The following ILRUN variants were observed in gnomAD, a reference collection of about 807,000 sequenced individuals.
ILRUN encodes the protein inflammation and lipid regulator with UBA-like and NBR1-like domains.
In ILRUN, 3 loss-of-function variants were observed where a neutral mutation model predicts 33.8. The observed-to-expected ratio is 0.09, with a 90% CI of 0.04 to 0.23. The LOEUF (loss-of-function observed/expected upper bound fraction) is 0.23, where lower values mean the gene tolerates loss of function less well. Among genes scored for constraint, ILRUN ranks in the 10% least tolerant of loss-of-function variants. The pLI is 1.00. For synonymous variants in ILRUN, 124 were observed against 138.9 expected (o/e 0.89, Z 0.75); for missense variants, 210 against 375.1 (o/e 0.56, Z 3.64).
intron 1 of ILRUN, 61 bp downstream of exon 1, chr6:34,696,385 T>C (rs1300815660): frequency 6.7e-7 from 1 of 1,494,710 alleles, no homozygotes; most frequent in Admixed American, 2.1e-5. Context: ...CAAGTGTCCC[T>C]TCCCTTCCCC....
In ILRUN at chr6:34,642,825, C is replaced by CAAAAA. The variant is rs57866309; in HGVS notation, c.511+3771_511+3775dup. 3.4e-3 allele frequency among the ~76,000 whole-genome samples: 146 copies of CAAAAA among 42,988 alleles called. 4 individuals carry two copies. The highest frequency in any genetic ancestry group is 5.4e-3 in the African/African-American group (58 of 10,658). 28.2% of individuals were successfully genotyped at this position (42,988 alleles called of 152,430 possible). On this transcript the variant is annotated intron_variant, in intron 3 of 4. Coordinates refer to ENST00000374023, the MANE Select transcript of ILRUN (RefSeq NM_024294.4). Reference sequence around the variant, plus strand: ...CAACATAGGGAGGTCCCGTCTCTACCAAAAAAAAAAAAAAAAAAAAAAAAA... The same window carrying CAAAAA: ...CAACATAGGGAGGTCCCGTCTCTACCAAAAAAAAAAAAAAAAAAAAAAAAAAAAAA...
intron 4 of ILRUN, 24 bp from the exon 5 acceptor site, chr6:34,590,624 G>GTGA (rs1761276351): frequency 6.5e-7 from 1 of 1,529,088 alleles, no homozygotes; most frequent in Non-Finnish European, 9.1e-7. Flanking sequence ...AAGATAGTCA[G>GTGA]TGATGGTACA....
At chr6:34,595,332 CTG>C (rs1415392956) in intron 4 of ILRUN, among the ~76,000 whole-genome samples, 12 of 152,322 alleles carry the variant, frequency 7.9e-5, no homozygotes, top group African/African-American at 2.9e-4. Context: ...TACTAAAAAA[CTG>C]TCACTGATAG....
At position 34,587,328 on chromosome 6, in the gene ILRUN, AT is replaced by A. The variant is rs1761212770; in HGVS notation, c.*3236del. ...TGTTAATTTAATCATACAAATATTC[AT>A]TTATACAATAAGGAAAAACCTCCTC... is the stretch of plus-strand genomic sequence containing the variant. On this transcript the variant is annotated 3_prime_UTR_variant, in exon 5 of 5. Transcript: ENST00000374023. 1 of 152,602 alleles carries A rather than the reference AT, an allele frequency of 6.6e-6. No homozygotes were observed. The highest frequency in any genetic ancestry group is 2.4e-5 in the African/African-American group (1 of 41,416). 9.5% of individuals were successfully genotyped at this position (152,602 alleles called of 1,614,324 possible). A position where few individuals can be genotyped will look rare whatever the true frequency, so the allele number is the denominator to read the frequency against.
chr6:34,695,241 A>C (rs1763738130), intron 1 of ILRUN, among the ~76,000 whole-genome samples: 1 of 152,166 alleles, frequency 6.6e-6, no homozygotes, highest in Non-Finnish European at 1.5e-5. Flanking sequence ...TTGGTTGTGC[A>C]AGTGATGCCA....
chr6:34,628,640 T>C (rs1762187621), intron 3 of ILRUN, among the ~76,000 whole-genome samples: 1 of 152,104 alleles, frequency 6.6e-6, no homozygotes, highest in African/African-American at 2.4e-5. Context: ...CCCACCTTTT[T>C]ACACATTTTT....
rs1554189798 is a variant in ILRUN at position 34,683,399 on chromosome 6, C to CATACATACATAT, written c.158+13046_158+13047insATATGTATGTAT. 6.2e-4 allele frequency among the ~76,000 whole-genome samples: 69 copies of CATACATACATAT among 111,148 alleles called. 3 individuals are homozygous for CATACATACATAT. The highest frequency in any genetic ancestry group is 1.4e-3 in the Admixed American group (14 of 9,824). 72.9% of individuals were successfully genotyped at this position (111,148 alleles called of 152,430 possible). The stretch of plus-strand genomic sequence containing the variant: ...TAGAAAATTCTGTTATATATATGCA[C>CATACATACATAT]ATATATACATATATATATACATATA... On this transcript the variant is annotated intron_variant, in intron 1 of 4. Transcript: ENST00000374023.
chr6:34,633,186 A>G (rs905951822), intron 3 of ILRUN, among the ~76,000 whole-genome samples: 2 of 152,242 alleles, frequency 1.3e-5, no homozygotes, highest in African/African-American at 2.4e-5. Flanking sequence ...AGGGAAGAAA[A>G]GGGATATTAC....
chr6:34,620,674 T>A (rs1211439227), intron 3 of ILRUN, among the ~76,000 whole-genome samples: 4 of 151,972 alleles, frequency 2.6e-5, no homozygotes, highest in African/African-American at 7.3e-5. Flanking sequence ...AAAAAAAATT[T>A]AAAAATTAGC....
chr6:34,677,679 C>T (rs553151469), intron 1 of ILRUN, among the ~76,000 whole-genome samples: 63 of 152,186 alleles, frequency 4.1e-4, no homozygotes, highest in African/African-American at 1.3e-3. Context: ...CCGGTCACCA[C>T]GGCTCATGCC....
chr6:34,654,871 T>C (rs1027306729), intron 1 of ILRUN, 92 bp from the exon 2 acceptor site: 5 of 1,285,270 alleles, frequency 3.9e-6, no homozygotes, highest in Non-Finnish European at 5.3e-6. Flanking sequence ...TTCTTAGGGT[T>C]TGTCACAGAA....
At chr6:34,693,362 A>AT (rs545393247) in intron 1 of ILRUN, among the ~76,000 whole-genome samples, 15 of 151,370 alleles carry the variant, frequency 9.9e-5, no homozygotes, top group African/African-American at 2.2e-4. Context: ...GCCAGAACAC[A>AT]TTTTTTTTTC....
chr6:34,676,559 G>T (rs913692097), intron 1 of ILRUN, among the ~76,000 whole-genome samples: 6 of 151,680 alleles, frequency 4.0e-5, no homozygotes, highest in African/African-American at 1.5e-4. Flanking sequence ...CTCCAGAGCA[G>T]TGGCACGACC....
intron 1 of ILRUN, among the ~76,000 whole-genome samples, chr6:34,685,074 A>T (rs1763485398): frequency 6.6e-6 from 1 of 152,214 alleles, no homozygotes; most frequent in Non-Finnish European, 1.5e-5. Flanking sequence ...GATTTGGACT[A>T]TGCCTATGTT....
chr6:34,612,719 C>A (rs935144375), intron 3 of ILRUN, among the ~76,000 whole-genome samples: 2 of 152,104 alleles, frequency 1.3e-5, no homozygotes, highest in Non-Finnish European at 2.9e-5. Flanking sequence ...TCAGCCTGGG[C>A]AACATGGTGA....
At chr6:34,668,423 T>G (rs138753956) in intron 1 of ILRUN, among the ~76,000 whole-genome samples, 5 of 152,248 alleles carry the variant, frequency 3.3e-5, no homozygotes, top group Admixed American at 3.3e-4. Flanking sequence ...CTCAAAATAG[T>G]CCCTCACATC....
chr6:34,642,372 G>C lies in ILRUN; in HGVS notation c.511+4229C>G, dbSNP rs1762490552. On this transcript the variant is annotated intron_variant, in intron 3 of 4. Transcript: ENST00000374023. Reference sequence around the variant, plus strand: ...CAGTTCTGACTAAAAAATTAAAGTTGAGCAAACTTTCCAATCAATGGGTAC... The same window carrying C: ...CAGTTCTGACTAAAAAATTAAAGTTCAGCAAACTTTCCAATCAATGGGTAC... Among the ~76,000 whole-genome samples, 4 of 152,260 alleles carry C rather than the reference G, an allele frequency of 2.6e-5. No individual in the cohort carries two copies. In the South Asian group the frequency reaches 6.2e-4, roughly 24 times the overall value.
chr6:34,620,272 A>G (rs1207903562), intron 3 of ILRUN, among the ~76,000 whole-genome samples: 3 of 152,138 alleles, frequency 2.0e-5, no homozygotes, highest in Admixed American at 6.5e-5. Context: ...CACCGTAAAA[A>G]TGGAGATAAG....
At chr6:34,683,413 TATATACATATATATACATATATATATAC>T (rs1763418805) in intron 1 of ILRUN, among the ~76,000 whole-genome samples, 1 of 75,142 alleles carries the variant, frequency 1.3e-5, no homozygotes, top group African/African-American at 9.5e-5. Flanking sequence ...TATACATATA[TATATACATATATATACATATATATATAC>T]ATATATATAT....
Sources: allele counts gnomAD v4.1 joint callset (sites outside exome capture counted in the v4.1 genomes callset), GRCh38; gene constraint gnomAD v4.1.1; transcripts MANE v1.5; gene names NCBI Gene and HGNC (gene_info 2026-07-23, HGNC 2026-07-21).